Variants in DLGAP3 observed in about 807,000 individuals in gnomAD.
DLGAP3 encodes disks large-associated protein 3.
A neutral mutation model predicts 81.2 loss-of-function variants in DLGAP3; 17 were observed. The observed-to-expected ratio is 0.21, with a 90% CI of 0.14 to 0.31. DLGAP3 has a LOEUF of 0.31. Among genes scored for constraint, DLGAP3 ranks in the 10% least tolerant of loss-of-function variants. DLGAP3 has a pLI of 1.00. For missense variants in DLGAP3, 1,124 were observed against 1,388.0 expected (o/e 0.81, Z 3.02); for synonymous variants, 577 against 587.4 (o/e 0.98, Z 0.26).
At chr1:34,885,389 C>T in intron 7 of DLGAP3, 89 bp downstream of exon 7, 1 of 1,391,580 alleles carries the variant, frequency 7.2e-7, no homozygotes, top group Non-Finnish European at 9.9e-7. Context: ...GAAAGAATGT[C>T]GATATATCCA....
chr1:34,901,839 G>C (rs1322576617), intron 3 of DLGAP3, among the ~76,000 whole-genome samples: 1 of 152,166 alleles, frequency 6.6e-6, no homozygotes, highest in Non-Finnish European at 1.5e-5. Flanking sequence ...AGGTGGGATG[G>C]GGCTGCAGAA....
Position 34,869,010 on chromosome 1 carries a change from C to A in DLGAP3, c.2080G>T (p.Ala694Ser). 1 of 1,603,802 alleles carries A rather than the reference C, an allele frequency of 6.2e-7. No homozygotes were observed. Among genetic ancestry groups the A allele is most frequent in the Non-Finnish European group, 8.5e-7 (1 of 1,179,192 alleles). The change falls in exon 9 of 12, where the codon GCC becomes TCC. Residue 694 changes from alanine (A) to serine (S), a missense_variant. Physicochemically the swap from Ala to Ser is moderately conservative, Grantham distance 99. Around this residue, in one of 9 missense-constraint regions of DLGAP3, gnomAD observed 379 missense variants for 455.7 expected, o/e 0.83. Coordinates refer to ENST00000373347, the MANE Select transcript of DLGAP3 (RefSeq NM_001080418.3). ...GCCTTGTCTTCTGTGGCCACCGTGG[C>A]CAGGCCTGCCAGGCCCTCCAGCTCC... Reference protein sequence around the residue: ...DLELEGLAGLATVATEDKALQ... With the variant: ...DLELEGLAGLSTVATEDKALQ...
rs756407515 is a variant in DLGAP3 at position 34,900,162 on chromosome 1, C to T, written c.1219G>A (p.Gly407Arg). Residue 407 changes from glycine (G) to arginine (R), a missense_variant, in exon 4 of 12, where the codon GGA (glycine) becomes AGA (arginine). Gly to Arg is a moderately radical substitution (Grantham distance 125, BLOSUM62 -2). This residue lies in a region of DLGAP3 where 357 missense variants were observed against 408.8 expected (regional missense o/e 0.87). Coordinates refer to ENST00000373347, the MANE Select transcript of DLGAP3 (RefSeq NM_001080418.3). The surrounding 1 kb of genome is among the most constrained non-coding windows in gnomAD (Gnocchi z 5.6). Reference sequence around the variant, plus strand: ...GTCTTGGGGCTGCCGTCTGAGTCTCCGCTCTCCTCATCCCCCATGGCTTTG... The same window carrying T: ...GTCTTGGGGCTGCCGTCTGAGTCTCTGCTCTCCTCATCCCCCATGGCTTTG... ...YIKAMGDEES[G>R]DSDGSPKTSP... The T allele has an allele frequency of 1.7e-5, 28 of 1,613,990 alleles. No individual in the cohort carries two copies. Among genetic ancestry groups the T allele is most frequent in the African/African-American group, 1.3e-5 (1 of 74,944 alleles).
chr1:34,921,716 G>A (rs1639799636), intron 1 of DLGAP3, among the ~76,000 whole-genome samples: 1 of 152,190 alleles, frequency 6.6e-6, no homozygotes, highest in African/African-American at 2.4e-5. Flanking sequence ...GCAGGCTATT[G>A]TTAACCCAGA....
chr1:34,907,314 C>A (rs1206374751), intron 2 of DLGAP3, 41 bp downstream of exon 2: 1 of 152,552 alleles, frequency 6.6e-6, no homozygotes, highest in East Asian at 1.9e-4. Flanking sequence ...GTATGAGAAC[C>A]TGAGTCTAAT....
rs781101151 is a variant in DLGAP3 at position 34,904,469 on chromosome 1, C to G, written c.915G>C (p.Ser305=). ...CAAGGCAGCGGCCTTCCGACCCGCC[C>G]GAGCGCCCCTTGAAGCTCAAGTCCC... The part of the protein sequence containing the change: ...SYRDLSFKGR[S]GGSEGRCLAC... Residue 305 remains serine (S), a synonymous_variant, in exon 3 of 12, where the codon TCG becomes TCC. Coordinates refer to ENST00000373347, the MANE Select transcript of DLGAP3 (RefSeq NM_001080418.3). This position sits in a 1 kb window ranked among gnomAD's most constrained non-coding sequence, Gnocchi z 8.1. 6.2e-7 allele frequency: 1 copy of G among 1,614,154 alleles called. No individual in the cohort carries two copies. The highest frequency in any genetic ancestry group is 1.1e-5 in the South Asian group (1 of 91,090).
intron 1 of DLGAP3, among the ~76,000 whole-genome samples, chr1:34,922,675 A>T (rs146853801): frequency 4.6e-5 from 7 of 152,354 alleles, no homozygotes; most frequent in African/African-American, 1.7e-4. Flanking sequence ...TATACACAGC[A>T]TACTCACATA....
chr1:34,885,664 G>A lies in DLGAP3; in HGVS notation c.1728C>T (p.Ala576=). ...HESFTAAEGP[A]RRCSSADGLD... ...GCCCGTCGGCGGAGCTGCAGCGCCGGGCGGGGCCCTCGGCCGCCGTGAAGC... is the reference window on the plus strand; with the variant it reads ...GCCCGTCGGCGGAGCTGCAGCGCCGAGCGGGGCCCTCGGCCGCCGTGAAGC... The change falls in exon 7 of 12, where the codon GCC becomes GCT. Residue 576 remains alanine (A), a synonymous_variant. Transcript: ENST00000373347. The A allele has an allele frequency of 7.1e-7, 1 of 1,416,882 alleles. No individual in the cohort carries two copies. The allele number at this position is 1,416,882 out of a possible 1,614,324, so 87.8% of individuals were successfully genotyped here. A position where few individuals can be genotyped will look rare whatever the true frequency, so the allele number is the denominator to read the frequency against.
At chr1:34,884,828 T>G (rs751835207) in intron 8 of DLGAP3, 150 bp downstream of exon 8, 2 of 687,400 alleles carry the variant, frequency 2.9e-6, no homozygotes, top group Non-Finnish European at 5.2e-6. Context: ...GAACAGCCCC[T>G]GTGGCTGCTC....
chr1:34,905,086 C>T lies in DLGAP3; in HGVS notation c.298G>A (p.Asp100Asn). 1 of 1,592,276 alleles carries T rather than the reference C, an allele frequency of 6.3e-7. No individual in the cohort carries two copies. Among genetic ancestry groups the T allele is most frequent in the Admixed American group, 1.8e-5 (1 of 56,906 alleles). Residue 100 changes from aspartate to asparagine, a missense_variant, in exon 3 of 12, where the codon GAC becomes AAC. Physicochemically the swap from Asp to Asn is conservative, Grantham distance 23. This residue lies in a region of DLGAP3 where 167 missense variants were observed against 172.1 expected (regional missense o/e 0.97). Coordinates refer to ENST00000373347, the MANE Select transcript of DLGAP3 (RefSeq NM_001080418.3). ...PRMYPGQGPFDTCEDCVGHPQ... is the reference protein window; with the variant it reads ...PRMYPGQGPFNTCEDCVGHPQ... ...TGGCCCACACAGTCTTCACAGGTGT[C>T]GAAGGGGCCCTGGCCAGGGTACATC...
At position 34,875,108 on chromosome 1, in the gene DLGAP3, A is replaced by G. The variant is rs79054718; in HGVS notation, c.2001-6019T>C. Among the ~76,000 whole-genome samples, 1,106 of 152,308 alleles carry G rather than the reference A, an allele frequency of 7.3e-3. 6 individuals carry two copies. Among genetic ancestry groups the G allele is most frequent in the Non-Finnish European group, 0.011 (751 of 68,018 alleles). On this transcript the variant is annotated intron_variant, in intron 8 of 11. Coordinates refer to ENST00000373347, the MANE Select transcript of DLGAP3 (RefSeq NM_001080418.3). The stretch of plus-strand genomic sequence containing the variant: ...AGCATCTGTGCCCAGGGCTTTGGGC[A>G]GTCAGCTTCTTATTGCTTTTGCAGG...
In DLGAP3 at chr1:34,900,205, C is replaced by T; in HGVS notation, c.1176G>A (p.Met392Ile). The change falls in exon 4 of 12, where the codon ATG (methionine) becomes ATA (isoleucine). Residue 392 changes from methionine to isoleucine, a missense_variant. Coordinates refer to ENST00000373347, the MANE Select transcript of DLGAP3 (RefSeq NM_001080418.3). This position sits in a 1 kb window ranked among gnomAD's most constrained non-coding sequence, Gnocchi z 5.6. ...TGGCTTTGATGTAGCTGCCGCTCCG[C>T]ATCCTGCGGCAGGGGATCTCCCCAT... ...GKDGEIPCRR[M>I]RSGSYIKAMG... 1 of 1,614,146 alleles carries T rather than the reference C, an allele frequency of 6.2e-7. No individual in the cohort carries two copies. Among genetic ancestry groups the T allele is most frequent in the South Asian group, 1.1e-5 (1 of 91,086 alleles).
chr1:34,876,035 A>G (rs1639051663), intron 8 of DLGAP3, among the ~76,000 whole-genome samples: 1 of 152,236 alleles, frequency 6.6e-6, no homozygotes, highest in African/African-American at 2.4e-5. Flanking sequence ...CTTCGTGGTA[A>G]GCTTTGCATG....
At chr1:34,882,186 AACAGTAGAGG>A (rs1639155726) in intron 8 of DLGAP3, among the ~76,000 whole-genome samples, 1 of 152,196 alleles carries the variant, frequency 6.6e-6, no homozygotes, top group Admixed American at 6.5e-5. Flanking sequence ...TACAAAACCT[AACAGTAGAGG>A]CCGGGTGTGG....
At chr1:34,885,423 C>T in intron 7 of DLGAP3, 55 bp downstream of exon 7, 1 of 1,582,072 alleles carries the variant, frequency 6.3e-7, no homozygotes, top group Non-Finnish European at 8.6e-7. Flanking sequence ...AGCCCCTCAC[C>T]CCAGCCCCGA....
Position 34,867,659 on chromosome 1 carries a change from A to G in DLGAP3, c.2486-32T>C, listed in dbSNP as rs1243692026. The G allele has an allele frequency of 1.9e-6, 3 of 1,543,910 alleles. No individual in the cohort carries two copies. ...AGCAGAAGGAAATTCAGGGAGGGAAATGATGCATCTCCTTCCCCAGCCTCC... is the reference window on the plus strand; with the variant it reads ...AGCAGAAGGAAATTCAGGGAGGGAAGTGATGCATCTCCTTCCCCAGCCTCC... On this transcript the variant is annotated intron_variant, in intron 9 of 11. Transcript: ENST00000373347. This position sits in a 1 kb window ranked among gnomAD's most constrained non-coding sequence, Gnocchi z 4.3.
intron 5 of DLGAP3, among the ~76,000 whole-genome samples, chr1:34,898,154 G>A (rs1386355403): frequency 6.6e-6 from 1 of 152,190 alleles, no homozygotes; most frequent in Admixed American, 6.5e-5. Flanking sequence ...TATACATTTG[G>A]TAGTCATCAG....
rs1639437400 is a variant in DLGAP3, at chr1:34,900,332, A to G, written c.1108-59T>C. 3 of 1,560,622 alleles carry G rather than the reference A, an allele frequency of 1.9e-6. No individual in the cohort carries two copies. The highest frequency in any genetic ancestry group is 1.7e-4 in the Middle Eastern group (1 of 5,986). Reference sequence around the variant, plus strand: ...GACCCTAGTAAATCTAGAGGCCAGGACTCTTTCCCCACTGCCAGTGGGAGA... The same window carrying G: ...GACCCTAGTAAATCTAGAGGCCAGGGCTCTTTCCCCACTGCCAGTGGGAGA... On this transcript the variant is annotated intron_variant, in intron 3 of 11. Coordinates refer to ENST00000373347, the MANE Select transcript of DLGAP3 (RefSeq NM_001080418.3). The surrounding 1 kb of genome is among the most constrained non-coding windows in gnomAD (Gnocchi z 5.6).
chr1:34,866,907 G>T lies in DLGAP3; in HGVS notation c.2721+141C>A, dbSNP rs374223435. 1,179 of 969,446 alleles carry T rather than the reference G, an allele frequency of 1.2e-3. 15 individuals are homozygous for T. The South Asian group carries it at 0.015, about 12-fold the overall frequency. 60.1% of individuals were successfully genotyped at this position (969,446 alleles called of 1,614,324 possible). ...AGCGTGGTCACTCTGGAAGGGGATG[G>T]TCACCTATCACCTGTCCAAGGCTGC... On this transcript the variant is annotated intron_variant, in intron 11 of 11. Coordinates refer to ENST00000373347, the MANE Select transcript of DLGAP3 (RefSeq NM_001080418.3).
Sources: allele counts gnomAD v4.1 joint callset (sites outside exome capture counted in the v4.1 genomes callset), GRCh38; gene constraint gnomAD v4.1.1; regional missense constraint gnomAD v4.1.1; non-coding constraint Gnocchi (gnomAD v3.1); transcripts MANE v1.5; gene names NCBI Gene and HGNC (gene_info 2026-07-23, HGNC 2026-07-21).